LRRC49: variants seen among roughly 807,000 people sequenced by gnomAD.
The protein encoded by LRRC49 is leucine rich repeat containing 49.
Under a neutral mutation model 83.3 loss-of-function variants are expected in LRRC49, and 50 were observed. That is an observed-to-expected ratio of 0.60 (90% confidence interval 0.48 to 0.76). LRRC49 has a LOEUF of 0.76. LRRC49 is among the 30% of genes least tolerant of loss of function. LRRC49 has a pLI of 0.00. For missense variants in LRRC49, 704 were observed against 809.1 expected (o/e 0.87, Z 1.58); for synonymous variants, 286 against 283.3 (o/e 1.01, Z -0.10).
intron 9 of LRRC49, among the ~76,000 whole-genome samples, chr15:70,970,381 C>T (rs2036950809): frequency 6.6e-6 from 1 of 152,024 alleles, no homozygotes; most frequent in Non-Finnish European, 1.5e-5. Flanking sequence ...TCGGTTTGCC[C>T]CTATTTTACT....
At chr15:71,008,688 G>T in intron 12 of LRRC49, 72 bp downstream of exon 12, 1 of 1,017,926 alleles carries the variant, frequency 9.8e-7, no homozygotes, top group East Asian at 2.4e-5. Context: ...CCAAAGACCT[G>T]TTTTAACTTG....
rs190483967 is a variant in LRRC49 at position 70,958,495 on chromosome 15, C to A, written c.774-5290C>A. ...AGAAATAAAACATTGCCTTCAGAAG[C>A]ATTTTTATTTGATTCAAGCTTTATG... is the stretch of plus-strand genomic sequence containing the variant. On this transcript the variant is annotated intron_variant, in intron 8 of 15. Transcript: ENST00000260382. Among the ~76,000 whole-genome samples, 703 of 152,194 alleles carry A rather than the reference C, an allele frequency of 4.6e-3. 9 individuals carry two copies. Among genetic ancestry groups the A allele is most frequent in the African/African-American group, 0.016 (684 of 41,522 alleles).
chr15:70,898,092 C>T (rs559793566), intron 3 of LRRC49, among the ~76,000 whole-genome samples: 28 of 152,298 alleles, frequency 1.8e-4, no homozygotes, highest in African/African-American at 6.0e-4. Flanking sequence ...ATCCACCTGT[C>T]TGTCCATCCA....
chr15:70,949,342 TATC>T (rs2036130748), intron 8 of LRRC49, among the ~76,000 whole-genome samples: 1 of 152,264 alleles, frequency 6.6e-6, no homozygotes, highest in South Asian at 2.1e-4. Context: ...TGTCTAGTGA[TATC>T]ATAGCCATTA....
intron 6 of LRRC49, among the ~76,000 whole-genome samples, chr15:70,913,909 T>A (rs954032498): frequency 1.3e-5 from 2 of 152,136 alleles, no homozygotes; most frequent in Non-Finnish European, 2.9e-5. Context: ...ATAGGCATTA[T>A]TTACCAATCA....
chr15:71,005,123 G>A (rs2038411159), intron 11 of LRRC49, among the ~76,000 whole-genome samples: 2 of 152,074 alleles, frequency 1.3e-5, no homozygotes, highest in South Asian at 2.1e-4. Context: ...GTCTGTGTCA[G>A]GTTTGCGCAT....
chr15:71,016,124 G>A (rs955561615), intron 14 of LRRC49, among the ~76,000 whole-genome samples: 1 of 152,012 alleles, frequency 6.6e-6, no homozygotes, highest in African/African-American at 2.4e-5. Context: ...TGAACTGGAG[G>A]GAGACACTAG....
intron 14 of LRRC49, among the ~76,000 whole-genome samples, chr15:71,032,372 G>A (rs1047263718): frequency 6.6e-6 from 1 of 151,972 alleles, no homozygotes; most frequent in African/African-American, 2.4e-5. Context: ...GAAATCACCC[G>A]CCTTCTGTGT....
At chr15:71,015,053 C>T (rs72757995) in intron 14 of LRRC49, among the ~76,000 whole-genome samples, 8,010 of 152,108 alleles carry the variant, frequency 0.053, 322 homozygotes, top group Non-Finnish European at 0.077. Flanking sequence ...ATTTTCTAAT[C>T]ATAATATTAT....
intron 13 of LRRC49, among the ~76,000 whole-genome samples, chr15:71,012,218 T>G (rs1184373594): frequency 1.3e-5 from 2 of 152,174 alleles, no homozygotes; most frequent in Non-Finnish European, 2.9e-5. Context: ...GCTTTCAGCT[T>G]TTAGTACTTT....
intron 1 of LRRC49, among the ~76,000 whole-genome samples, chr15:70,857,867 T>C (rs1235383191): frequency 6.6e-6 from 1 of 152,252 alleles, no homozygotes; most frequent in Admixed American, 6.5e-5. Flanking sequence ...CCAGCCTTGC[T>C]GCTGCTTAGC....
intron 11 of LRRC49, among the ~76,000 whole-genome samples, chr15:70,988,537 T>A (rs1173121791): frequency 6.6e-6 from 1 of 152,154 alleles, no homozygotes; most frequent in Admixed American, 6.6e-5. Context: ...TGTCTCTGCA[T>A]GTGAGATGGG....
chr15:70,974,720 T>TAAAAAAAAAAA (rs1343976655), intron 9 of LRRC49, among the ~76,000 whole-genome samples: 1 of 129,158 alleles, frequency 7.7e-6, no homozygotes, highest in African/African-American at 2.9e-5. Context: ...CAAAGCATTG[T>TAAAAAAAAAAA]AAAAAAAAAA....
intron 1 of LRRC49, chr15:70,860,294 C>T (rs537621323): frequency 8.8e-5 from 47 of 531,494 alleles, no homozygotes; most frequent in African/African-American, 7.1e-4. Flanking sequence ...AGCCCACCCG[C>T]GGGGGAGTTT....
chr15:71,052,995 T>C lies in LRRC49; in HGVS notation c.*3383T>C, dbSNP rs967416825. 6.6e-6 allele frequency: 1 copy of C among 152,228 alleles called. No individual in the cohort carries two copies. The highest frequency in any genetic ancestry group is 2.4e-5 in the African/African-American group (1 of 41,466). 9.4% of individuals were successfully genotyped at this position (152,228 alleles called of 1,614,324 possible). A position where few individuals can be genotyped will look rare whatever the true frequency, so the allele number is the denominator to read the frequency against. The stretch of plus-strand genomic sequence containing the variant: ...TATGTGCGGTATAAATACTAACAAA[T>C]GTATAAGTACACATGTACAATATTG... On this transcript the variant is annotated 3_prime_UTR_variant, in exon 16 of 16. Coordinates refer to ENST00000260382, the MANE Select transcript of LRRC49 (RefSeq NM_017691.5).
chr15:70,892,679 G>A, upstream of LRRC49: 1 of 1,452,124 alleles, frequency 6.9e-7, no homozygotes, highest in Non-Finnish European at 9.0e-7. Context: ...ATAGAACGAG[G>A]AAGTGGTGAC....
intron 11 of LRRC49, among the ~76,000 whole-genome samples, chr15:71,002,939 CT>C (rs35998597): frequency 4.0e-4 from 17 of 43,034 alleles, no homozygotes; most frequent in African/African-American, 1.3e-3. Context: ...ATTTTCTGGC[CT>C]TTTTTTTTTT....
intron 2 of LRRC49, among the ~76,000 whole-genome samples, chr15:70,886,163 T>G (rs576486258): frequency 1.3e-5 from 2 of 152,322 alleles, no homozygotes; most frequent in East Asian, 3.9e-4. Context: ...ACTTGTAAGA[T>G]TCAGTAAAGC....
chr15:70,919,451 T>C (rs2034922753), intron 7 of LRRC49, among the ~76,000 whole-genome samples: 1 of 152,134 alleles, frequency 6.6e-6, no homozygotes, highest in African/African-American at 2.4e-5. Context: ...TTGGTGTAAA[T>C]GAGTAGTAAA....
Sources: gnomAD v4.1 joint callset for allele counts (sites outside exome capture counted in the v4.1 genomes callset) on GRCh38, gnomAD v4.1.1 for gene constraint, MANE v1.5 for transcripts, NCBI Gene and HGNC (gene_info 2026-07-23, HGNC 2026-07-21) for gene names.